The following CNTN6 variants were observed in gnomAD, a reference collection of about 807,000 sequenced individuals.
The protein encoded by CNTN6 is contactin 6, also known as contactin-6.
Under a neutral mutation model 122.8 loss-of-function variants are expected in CNTN6, and 137 were observed. The ratio of observed to expected loss-of-function variants is 1.12; its 90% confidence interval spans 0.97 to 1.29. The LOEUF is 1.29. Among genes scored for constraint, CNTN6 ranks in the 50% most tolerant of loss-of-function variants. The pLI is 0.00. For synonymous variants in CNTN6, 570 were observed against 426.0 expected (o/e 1.34, Z -4.16); for missense variants, 1,634 against 1,223.4 (o/e 1.34, Z -5.01).
In CNTN6 at chr3:1,372,938, C is replaced by T; in HGVS notation, c.1769C>T (p.Ala590Val). The change falls in exon 14 of 23, where the codon GCC (alanine) becomes GTC (valine). Residue 590 changes from alanine to valine, a missense_variant. Transcript: ENST00000446702. ...QTTLESLSAV[A>V]DIIVRGPPGP... The stretch of plus-strand genomic sequence containing the variant: ...ACCCTAGAAAGTTTATCTGCAGTAG[C>T]CGATATCATTGTTAGAGGTAAGCAT... 1 of 1,582,762 alleles carries T rather than the reference C, an allele frequency of 6.3e-7. No individual in the cohort carries two copies. Among genetic ancestry groups the T allele is most frequent in the Non-Finnish European group, 8.7e-7 (1 of 1,155,612 alleles).
intron 4 of CNTN6, among the ~76,000 whole-genome samples, chr3:1,250,885 G>A (rs2094655181): frequency 6.6e-6 from 1 of 151,970 alleles, no homozygotes; most frequent in Non-Finnish European, 1.5e-5. Context: ...CTGTCAGTAG[G>A]GATAGAGTCG....
intron 11 of CNTN6, among the ~76,000 whole-genome samples, chr3:1,330,830 T>G (rs1702188976): frequency 6.6e-6 from 1 of 151,892 alleles, no homozygotes. Context: ...GAAATGACTG[T>G]GACGGACTAG....
intron 2 of CNTN6, among the ~76,000 whole-genome samples, chr3:1,160,073 C>A (rs2093088698): frequency 6.6e-6 from 1 of 152,086 alleles, no homozygotes; most frequent in South Asian, 2.1e-4. Flanking sequence ...TCTGCCTTAG[C>A]CTCCCAAAGT....
intron 11 of CNTN6, among the ~76,000 whole-genome samples, chr3:1,342,032 C>A (rs1477865865): frequency 6.6e-6 from 1 of 152,094 alleles, no homozygotes; most frequent in Admixed American, 6.6e-5. Flanking sequence ...GGAAGTATAT[C>A]CTTAGCTATT....
At chr3:1,209,838 AC>A (rs1261347120) in intron 2 of CNTN6, among the ~76,000 whole-genome samples, 4 of 152,136 alleles carry the variant, frequency 2.6e-5, no homozygotes, top group Non-Finnish European at 5.9e-5. Context: ...ATTTTGAAAA[AC>A]AACAAATATC....
chr3:1,396,224 A>G lies in CNTN6; in HGVS notation c.2705-5209A>G, dbSNP rs570139549. 3.9e-5 allele frequency among the ~76,000 whole-genome samples: 6 copies of G among 152,332 alleles called. No individual in the cohort carries two copies. The South Asian group carries it at 1.2e-3, about 32-fold the overall frequency. On this transcript the variant is annotated intron_variant, in intron 20 of 22. Transcript: ENST00000446702. The stretch of plus-strand genomic sequence containing the variant: ...GACATCTCAAACTTACTGATCTTCT[A>G]AAGTTTAACATTCACTTACCTGGCT...
At chr3:1,178,415 A>AGATT (rs1196634346) in intron 2 of CNTN6, among the ~76,000 whole-genome samples, 1 of 152,164 alleles carries the variant, frequency 6.6e-6, no homozygotes, top group Admixed American at 6.5e-5. Context: ...TTCCATTCCT[A>AGATT]GATTTCTACT....
At chr3:1,386,584 C>T (rs1692976018) in intron 20 of CNTN6, among the ~76,000 whole-genome samples, 1 of 152,128 alleles carries the variant, frequency 6.6e-6, no homozygotes, top group Admixed American at 6.5e-5. Context: ...GTCTGATCAT[C>T]CGACTTAGTT....
chr3:1,334,386 T>A (rs1326506848), intron 11 of CNTN6, among the ~76,000 whole-genome samples: 3 of 152,038 alleles, frequency 2.0e-5, no homozygotes, highest in East Asian at 1.9e-4. Context: ...ATTTTTTTTT[T>A]TTTTTTGAGG....
chr3:1,118,698 C>G (rs2091827718), intron 1 of CNTN6, among the ~76,000 whole-genome samples: 1 of 152,056 alleles, frequency 6.6e-6, no homozygotes, highest in Non-Finnish European at 1.5e-5. Context: ...GTCACTTGGT[C>G]TTTCATATAG....
At chr3:1,120,037 T>C (rs1193995266) in intron 1 of CNTN6, among the ~76,000 whole-genome samples, 2 of 152,076 alleles carry the variant, frequency 1.3e-5, no homozygotes, top group Non-Finnish European at 2.9e-5. Context: ...GTTTCATCCA[T>C]GTATTTACAC....
At chr3:1,147,560 G>A (rs1447906817) in intron 1 of CNTN6, among the ~76,000 whole-genome samples, 1 of 149,992 alleles carries the variant, frequency 6.7e-6, no homozygotes, top group African/African-American at 2.5e-5. Flanking sequence ...TAGCTTAAAT[G>A]TCAAAATAAA....
In CNTN6 at chr3:1,117,044, G is replaced by A. The variant is rs181986273; in HGVS notation, c.-83+23924G>A. Reference sequence around the variant, plus strand: ...CCAAGTCATGAATCAAAGTATCACCGTGTCATAGACATTATTTAGAGATAT... The same window carrying A: ...CCAAGTCATGAATCAAAGTATCACCATGTCATAGACATTATTTAGAGATAT... On this transcript the variant is annotated intron_variant, in intron 1 of 22. Transcript: ENST00000446702. 2.2e-4 allele frequency among the ~76,000 whole-genome samples: 33 copies of A among 152,176 alleles called. 1 individual carries two copies. The highest frequency in any genetic ancestry group is 7.5e-4 in the African/African-American group (31 of 41,544).
At chr3:1,279,000 C>T (rs576735884) in intron 5 of CNTN6, among the ~76,000 whole-genome samples, 1 of 152,284 alleles carries the variant, frequency 6.6e-6, no homozygotes, top group East Asian at 1.9e-4. Flanking sequence ...AAGATTGTTA[C>T]TACGTTTTTA....
At chr3:1,289,963 TGC>T (rs1695037623) in intron 5 of CNTN6, among the ~76,000 whole-genome samples, 1 of 151,808 alleles carries the variant, frequency 6.6e-6, no homozygotes, top group African/African-American at 2.4e-5. Flanking sequence ...CGTGAGCCAA[TGC>T]GCCCGGCGAG....
At chr3:1,307,290 C>A (rs2125912837) in intron 7 of CNTN6, among the ~76,000 whole-genome samples, 1 of 152,224 alleles carries the variant, frequency 6.6e-6, no homozygotes, top group South Asian at 2.1e-4. Context: ...GGGTCACTGT[C>A]ATTTCTTTAG....
chr3:1,401,368 G>A, intron 20 of CNTN6, 65 bp from the exon 21 acceptor site: 1 of 1,255,556 alleles, frequency 8.0e-7, no homozygotes, highest in East Asian at 2.4e-5. Flanking sequence ...TTTTCATGTT[G>A]ATGCATCATA....
At chr3:1,170,036 A>C (rs1261576399) in intron 2 of CNTN6, among the ~76,000 whole-genome samples, 1 of 151,974 alleles carries the variant, frequency 6.6e-6, no homozygotes, top group African/African-American at 2.4e-5. Context: ...GGAGTTCAAG[A>C]CCAGCCTGGC....
chr3:1,377,651 T>G (rs2126158894), intron 17 of CNTN6, among the ~76,000 whole-genome samples: 1 of 152,236 alleles, frequency 6.6e-6, no homozygotes, highest in East Asian at 1.9e-4. Context: ...CAATTTAAAG[T>G]TTCTCATTTT....
Sources: allele counts gnomAD v4.1 joint callset (sites outside exome capture counted in the v4.1 genomes callset), GRCh38; gene constraint gnomAD v4.1.1; transcripts MANE v1.5; gene names NCBI Gene and HGNC (gene_info 2026-07-23, HGNC 2026-07-21).